PPIL2: variants seen among roughly 807,000 people sequenced by gnomAD.
PPIL2 encodes peptidylprolyl isomerase like 2.
A neutral mutation model predicts 75.2 loss-of-function variants in PPIL2; 50 were observed. That is an observed-to-expected ratio of 0.66 (90% CI 0.53 to 0.84). PPIL2 has a LOEUF of 0.84. Among genes scored for constraint, PPIL2 ranks in the 40% least tolerant of loss-of-function variants. PPIL2 has a pLI of 0.00. For missense variants in PPIL2, 590 were observed against 685.0 expected (o/e 0.86, Z 1.55); for synonymous variants, 245 against 258.8 (o/e 0.95, Z 0.51).
Position 21,686,740 on chromosome 22 carries a change from C to T in PPIL2, c.791-152C>T, listed in dbSNP as rs937782939. On this transcript the variant is annotated intron_variant, in intron 11 of 19. Transcript: ENST00000398831. ...CCCATGAGGCTGGGGTGAGCCTGTG[C>T]GTGGCCTAAGCAGACCCTCGGCCTC... 3.2e-5 allele frequency: 32 copies of T among 987,036 alleles called. 1 individual carries two copies. The highest frequency in any genetic ancestry group is 2.2e-4 in the African/African-American group (14 of 62,834). The allele number at this position is 987,036 out of a possible 1,614,324, so 61.1% of individuals were successfully genotyped here. A position where few individuals can be genotyped will look rare whatever the true frequency, so the allele number is the denominator to read the frequency against.
At position 21,697,253 on chromosome 22, in the gene PPIL2, G is replaced by A; in HGVS notation, c.*1763G>A. On this transcript the variant is annotated 3_prime_UTR_variant, in exon 20 of 20. Coordinates refer to ENST00000398831, the MANE Select transcript of PPIL2 (RefSeq NM_014337.4). ...GTAGGCCTCTGAGCCAGCGTCCAGGGTACAGGTGCGGGTGGTGGGGATGAA... is the reference window on the plus strand; with the variant it reads ...GTAGGCCTCTGAGCCAGCGTCCAGGATACAGGTGCGGGTGGTGGGGATGAA... 2.0e-6 allele frequency: 1 copy of A among 488,030 alleles called. No homozygotes were observed. The highest frequency in any genetic ancestry group is 2.3e-5 in the South Asian group (1 of 43,552). 30.2% of individuals were successfully genotyped at this position (488,030 alleles called of 1,614,324 possible).
At chr22:21,669,008 G>T (rs1211656388) in intron 1 of PPIL2, among the ~76,000 whole-genome samples, 1 of 107,682 alleles carries the variant, frequency 9.3e-6, no homozygotes, top group African/African-American at 3.4e-5. Context: ...ACCGTGCCTG[G>T]CCCTCTATTT....
rs960034784 is a variant in PPIL2 at position 21,695,522 on chromosome 22, G to A, written c.*32G>A. 1 of 1,569,852 alleles carries A rather than the reference G, an allele frequency of 6.4e-7. No homozygotes were observed. Among genetic ancestry groups the A allele is most frequent in the Middle Eastern group, 1.8e-4 (1 of 5,696 alleles). On this transcript the variant is annotated 3_prime_UTR_variant, in exon 20 of 20. Coordinates refer to ENST00000398831, the MANE Select transcript of PPIL2 (RefSeq NM_014337.4). ...GTTGGCCGCTGTGGACCTTGGTGGG[G>A]TTGCAGGGCTGGGGGCCCATGTCCA...
chr22:21,691,650 A>C (rs1291538951), intron 15 of PPIL2, among the ~76,000 whole-genome samples: 1 of 151,894 alleles, frequency 6.6e-6, no homozygotes, highest in Non-Finnish European at 1.5e-5. Flanking sequence ...ACTGCACTCC[A>C]GCCCTCCAGC....
chr22:21,699,610 G>T (rs2068043974), downstream of PPIL2: 1 of 152,636 alleles, frequency 6.6e-6, no homozygotes. Context: ...AGCAGGCCAG[G>T]CGTCTTCATG....
downstream of PPIL2, chr22:21,698,793 G>C (rs778338291): frequency 6.6e-6 from 1 of 152,434 alleles, no homozygotes; most frequent in East Asian, 1.9e-4. Flanking sequence ...AGCGTGCAGT[G>C]ACCCCTGCGC....
At chr22:21,673,279 C>T (rs1868936) in intron 5 of PPIL2, among the ~76,000 whole-genome samples, 3,434 of 152,276 alleles carry the variant, frequency 0.023, 125 homozygotes, top group African/African-American at 0.079. Flanking sequence ...CCCCAAGGTC[C>T]GTGCCCCAGT....
In PPIL2 at chr22:21,697,316, C is replaced by T; in HGVS notation, c.*1826C>T. On this transcript the variant is annotated 3_prime_UTR_variant, in exon 20 of 20. Transcript: ENST00000398831. ...GAGGGAGAAGCAGGTTTGGAGAGGA[C>T]CCTGTGCCCACCCTGACAGACACCC... The T allele has an allele frequency of 6.2e-6, 2 of 320,978 alleles. No homozygotes were observed. Among genetic ancestry groups the T allele is most frequent in the South Asian group, 7.2e-5 (2 of 27,836 alleles). The allele number at this position is 320,978 out of a possible 1,614,324, so 19.9% of individuals were successfully genotyped here.
intron 15 of PPIL2, among the ~76,000 whole-genome samples, chr22:21,692,429 C>A (rs762183371): frequency 1.3e-5 from 2 of 151,798 alleles, no homozygotes; most frequent in African/African-American, 2.4e-5. Context: ...GCTGGGATTA[C>A]AGGCGTGAGC....
intron 1 of PPIL2, among the ~76,000 whole-genome samples, chr22:21,667,982 G>C (rs1251203626): frequency 6.6e-6 from 1 of 151,740 alleles, no homozygotes; most frequent in African/African-American, 2.4e-5. Flanking sequence ...TCACTATGTT[G>C]GTCAGGCCGG....
chr22:21,669,836 A>G, intron 1 of PPIL2, 77 bp from the exon 2 acceptor site: 1 of 1,434,694 alleles, frequency 7.0e-7, no homozygotes, highest in Non-Finnish European at 9.8e-7. Flanking sequence ...CTGAGTAAGC[A>G]AAGATTACTC....
chr22:21,672,743 G>C (rs1239527766), intron 5 of PPIL2, among the ~76,000 whole-genome samples: 2 of 152,210 alleles, frequency 1.3e-5, no homozygotes, highest in African/African-American at 4.8e-5. Flanking sequence ...TTCCGAGGGA[G>C]ATCTAGTGTA....
chr22:21,670,373 C>T, intron 2 of PPIL2, 193 bp from the exon 3 acceptor site: 14 of 1,502,430 alleles, frequency 9.3e-6, no homozygotes, highest in Non-Finnish European at 1.2e-5. Context: ...ATGCACTTTT[C>T]CCAGTAAGTT....
At chr22:21,693,947 A>G (rs2067796193) in intron 16 of PPIL2, 75 bp downstream of exon 16, 3 of 1,458,224 alleles carry the variant, frequency 2.1e-6, no homozygotes, top group Non-Finnish European at 2.9e-6. Flanking sequence ...AGGCCTCCTC[A>G]CTGCCTTTTT....
chr22:21,692,387 CTT>C (rs1177247934), intron 15 of PPIL2, among the ~76,000 whole-genome samples: 2 of 151,456 alleles, frequency 1.3e-5, no homozygotes, highest in Non-Finnish European at 2.9e-5. Flanking sequence ...ATCTCCTGAC[CTT>C]GTGATCCGCC....
intron 9 of PPIL2, 105 bp downstream of exon 9, chr22:21,683,362 GC>G (rs1284015424): frequency 1.1e-6 from 1 of 897,984 alleles, no homozygotes; most frequent in Non-Finnish European, 1.8e-6. Context: ...GGGGGTCCCA[GC>G]CCAGACAGGC....
Position 21,688,697 on chromosome 22 carries a change from A to G in PPIL2, c.1022-35A>G, listed in dbSNP as rs558363982. On this transcript the variant is annotated intron_variant, in intron 14 of 19. Transcript: ENST00000398831. ...TCTAGTTCTGCCTCGGCTGGGGCCC[A>G]GGCTTTCCTGCTCCCATGGGCCTTT... 2.7e-5 allele frequency: 43 copies of G among 1,601,506 alleles called. 1 individual carries two copies. The South Asian group carries it at 4.3e-4, about 16-fold the overall frequency.
chr22:21,687,918 G>A (rs527782529), intron 13 of PPIL2, among the ~76,000 whole-genome samples, 155 bp from the exon 14 acceptor site: 134 of 152,358 alleles, frequency 8.8e-4, no homozygotes, highest in Non-Finnish European at 1.7e-3. Context: ...CCAGAACTGG[G>A]TTCACAAAGG....
intron 13 of PPIL2, 119 bp from the exon 14 acceptor site, chr22:21,687,954 A>G: frequency 7.4e-7 from 1 of 1,359,334 alleles, no homozygotes; most frequent in Non-Finnish European, 1.0e-6. Context: ...GCCCCTCATT[A>G]TCACCAAGAG....
Sources: allele counts gnomAD v4.1 joint callset (sites outside exome capture counted in the v4.1 genomes callset), GRCh38; gene constraint gnomAD v4.1.1; transcripts MANE v1.5; gene names NCBI Gene and HGNC (gene_info 2026-07-23, HGNC 2026-07-21).